Variants in MGA observed in about 807,000 individuals in gnomAD.
MGA encodes MAX dimerization protein MGA.
In MGA, 40 loss-of-function variants were observed where a neutral mutation model predicts 261.1. The observed-to-expected ratio is 0.15, with a 90% CI of 0.12 to 0.20. The LOEUF (loss-of-function observed/expected upper bound fraction) is 0.20. MGA is among the 10% of genes least tolerant of loss of function. MGA has a pLI of 1.00. For synonymous variants in MGA, 1,302 were observed against 1,290.6 expected, an observed-to-expected ratio of 1.01 and a Z score of -0.19; for missense variants, 3,397 against 3,630.5, an observed-to-expected ratio of 0.94 and a Z score of 1.65.
At chr15:41,702,567 T>C (rs1194911084) in intron 5 of MGA, among the ~76,000 whole-genome samples, 1 of 152,338 alleles carries the variant, frequency 6.6e-6, no homozygotes, top group South Asian at 2.1e-4. Flanking sequence ...TCTTCTGAGC[T>C]GAAAACCCTT....
In MGA at chr15:41,725,640, C is replaced by T. The variant is rs1432089085; in HGVS notation, c.3431-1540C>T. On this transcript the variant is annotated intron_variant, in intron 9 of 23. Transcript: ENST00000219905. ...CGAGGTCAGGAGATCGAGACCATCC[C>T]GGCTAAAAAACGGTGAAACCCCGTC... Among the ~76,000 whole-genome samples, 2 of 11,296 alleles carry T rather than the reference C, an allele frequency of 1.8e-4. 1 individual carries two copies. The highest frequency in any genetic ancestry group is 3.4e-4 in the African/African-American group (2 of 5,906). 7.4% of individuals were successfully genotyped at this position (11,296 alleles called of 152,430 possible).
At chr15:41,757,954 G>A in intron 19 of MGA, 115 bp downstream of exon 19, 1 of 781,072 alleles carries the variant, frequency 1.3e-6, no homozygotes, top group Non-Finnish European at 2.1e-6. Flanking sequence ...GGCTATTTTT[G>A]CCAGTGAGTT....
intron 9 of MGA, among the ~76,000 whole-genome samples, chr15:41,720,647 C>T (rs1838495962): frequency 6.6e-6 from 1 of 152,104 alleles, no homozygotes; most frequent in South Asian, 2.1e-4. Context: ...GCCTGTGCAA[C>T]ATGGCGAAAC....
chr15:41,674,493 C>T (rs1432428429), intron 2 of MGA, among the ~76,000 whole-genome samples: 2 of 152,078 alleles, frequency 1.3e-5, no homozygotes, highest in South Asian at 2.1e-4. Context: ...CCACTATGCC[C>T]AGCTTAATAG....
In MGA at chr15:41,743,015, C is replaced by T. The variant is rs1567065997; in HGVS notation, c.5055C>T (p.Thr1685=). 6.2e-7 allele frequency: 1 copy of T among 1,613,984 alleles called. No homozygotes were observed. The highest frequency in any genetic ancestry group is 8.5e-7 in the Non-Finnish European group (1 of 1,179,898). The change falls in exon 15 of 24, where the codon ACC becomes ACT. Residue 1685 remains threonine, a synonymous_variant. Transcript: ENST00000219905. ...AGTCTTTGGTAGCATCTCCTTCAAC[C>T]ATAACTCTTCCTGTTGCTTCCACTG...
Position 41,749,144 on chromosome 15 carries a change from C to T in MGA, c.5537C>T (p.Ser1846Phe), listed in dbSNP as rs1192840092. ...ATGGGAATCCGGTTACCTGCTCCTTCCAAACCCTCTGAGACTCCGCCATCT... is the reference window on the plus strand; with the variant it reads ...ATGGGAATCCGGTTACCTGCTCCTTTCAAACCCTCTGAGACTCCGCCATCT... Residue 1846 changes from serine to phenylalanine, a missense_variant, in exon 17 of 24, where the codon TCC becomes TTC. Physicochemically the swap from Ser to Phe is radical, Grantham distance 155. Coordinates refer to ENST00000219905, the MANE Select transcript of MGA (RefSeq NM_001164273.2). The T allele has an allele frequency of 1.9e-6, 3 of 1,613,764 alleles. No homozygotes were observed. In the African/African-American group the frequency reaches 4.0e-5, roughly 22 times the overall value.
chr15:41,639,600 A>C (rs765968170), intron 1 of MGA, among the ~76,000 whole-genome samples: 3 of 151,592 alleles, frequency 2.0e-5, no homozygotes, highest in Non-Finnish European at 4.4e-5. Context: ...GCTGGAGTGC[A>C]GTGGCGCAAT....
At chr15:41,643,394 C>T (rs1284257678) in intron 1 of MGA, among the ~76,000 whole-genome samples, 6 of 151,708 alleles carry the variant, frequency 4.0e-5, no homozygotes, top group Non-Finnish European at 7.4e-5. Context: ...GCACGTGCCA[C>T]CATGCCTGGC....
At chr15:41,725,081 C>A (rs2061155308) in intron 9 of MGA, among the ~76,000 whole-genome samples, 1 of 152,206 alleles carries the variant, frequency 6.6e-6, no homozygotes. Context: ...TGGCTTTGAA[C>A]CAGCTACATG....
chr15:41,732,838 C>G (rs1422334049), intron 11 of MGA, among the ~76,000 whole-genome samples: 1 of 152,218 alleles, frequency 6.6e-6, no homozygotes, highest in African/African-American at 2.4e-5. Context: ...CAACAGTGTT[C>G]TGGGTCAAAG....
At chr15:41,713,603 A>C in intron 9 of MGA, 107 bp downstream of exon 9, 1 of 1,309,942 alleles carries the variant, frequency 7.6e-7, no homozygotes, top group South Asian at 1.6e-5. Flanking sequence ...ATCCAATAAG[A>C]GCTTTGAGAC....
intron 2 of MGA, among the ~76,000 whole-genome samples, chr15:41,692,989 C>T (rs141141881): frequency 0.033 from 4,975 of 152,168 alleles, 133 homozygotes; most frequent in South Asian, 0.07. Flanking sequence ...TGAGCCACTG[C>T]GCCCAGCCAA....
chr15:41,686,742 G>T (rs539910332), intron 2 of MGA, among the ~76,000 whole-genome samples: 2 of 152,114 alleles, frequency 1.3e-5, no homozygotes, highest in African/African-American at 4.8e-5. Context: ...AATACCATAT[G>T]TTTTTTCTCC....
At chr15:41,641,980 G>T (rs2056831728) in intron 1 of MGA, among the ~76,000 whole-genome samples, 2 of 151,776 alleles carry the variant, frequency 1.3e-5, no homozygotes, top group Admixed American at 1.3e-4. Context: ...GCTTTTTGTA[G>T]AGACAGAGTC....
chr15:41,741,816 A>G (rs1344573987), intron 14 of MGA, among the ~76,000 whole-genome samples: 2 of 151,950 alleles, frequency 1.3e-5, no homozygotes, highest in Non-Finnish European at 2.9e-5. Flanking sequence ...GGTTCAAACC[A>G]TTCTCCTGCC....
chr15:41,638,688 C>CTTTTTTTTTT (rs761492514), intron 1 of MGA, among the ~76,000 whole-genome samples: 4 of 115,650 alleles, frequency 3.5e-5, no homozygotes, highest in Non-Finnish European at 5.4e-5. Flanking sequence ...TTTTCTTTTT[C>CTTTTTTTTTT]TTTTTTTTTT....
In MGA at chr15:41,765,060, C is replaced by A. The variant is rs1239988473; in HGVS notation, c.7919C>A (p.Pro2640Gln). 1.2e-6 allele frequency: 2 copies of A among 1,613,750 alleles called. No homozygotes were observed. Among genetic ancestry groups the A allele is most frequent in the Admixed American group, 3.3e-5 (2 of 60,002 alleles). ...GTTGCCGGTAGTGCTGTGGCTCTAC[C>A]AGGTATGTTGTAAGTGTTGTCCTCT... Residue 2640 changes from proline to glutamine, a missense_variant and splice_region_variant, in exon 23 of 24, where the codon CCA becomes CAA. By Grantham distance (76) the Pro-to-Gln change is moderately conservative. Coordinates refer to ENST00000219905, the MANE Select transcript of MGA (RefSeq NM_001164273.2).
At chr15:41,659,960 G>A (rs961922034), upstream of MGA, among the ~76,000 whole-genome samples, 1 of 152,240 alleles carries the variant, frequency 6.6e-6, no homozygotes, top group Non-Finnish European at 1.5e-5. Flanking sequence ...CGGTACTCCG[G>A]GGTGGAAGAC....
chr15:41,747,319 G>A (rs1009906515), intron 15 of MGA, among the ~76,000 whole-genome samples: 5 of 152,042 alleles, frequency 3.3e-5, no homozygotes, highest in African/African-American at 1.2e-4. Context: ...ATAAACCAAG[G>A]ATTTTTAGTT....
Sources: allele counts gnomAD v4.1 joint callset (sites outside exome capture counted in the v4.1 genomes callset), GRCh38; gene constraint gnomAD v4.1.1; transcripts MANE v1.5; gene names NCBI Gene and HGNC (gene_info 2026-07-23, HGNC 2026-07-21).